Variants in PSD3 observed in about 807,000 individuals in gnomAD.
PSD3 encodes the protein PH and SEC7 domain-containing protein 3.
PSD3 carries 49 observed loss-of-function variants against 105.5 expected under a neutral mutation model. That is an observed-to-expected ratio of 0.46 (90% confidence interval 0.37 to 0.59). PSD3 has a LOEUF of 0.59. Ranked by LOEUF, PSD3 falls within the 20% of genes least tolerant of loss-of-function variation. The pLI is 0.00. For missense variants in PSD3, 1,561 were observed against 1,263.8 expected, an observed-to-expected ratio of 1.24 and a Z score of -3.57; for synonymous variants, 557 against 457.8, an observed-to-expected ratio of 1.22 and a Z score of -2.77.
chr8:18,560,443 A>G (rs1201805390), intron 14 of PSD3, among the ~76,000 whole-genome samples: 1 of 152,166 alleles, frequency 6.6e-6, no homozygotes, highest in East Asian at 1.9e-4. Flanking sequence ...AATACTAGCA[A>G]AATAGATTTC....
chr8:18,854,133 G>A (rs369754501), intron 4 of PSD3: 1 of 152,320 alleles, frequency 6.6e-6, no homozygotes, highest in Non-Finnish European at 1.5e-5. Context: ...AATTTTGTCA[G>A]GAATTGAAGA....
At chr8:18,885,985 T>C (rs900233147) in intron 2 of PSD3, among the ~76,000 whole-genome samples, 2 of 152,158 alleles carry the variant, frequency 1.3e-5, no homozygotes, top group Non-Finnish European at 2.9e-5. Context: ...GCTATTCAGA[T>C]ACTAAGCTGT....
chr8:18,588,565 C>T (rs1271003766), intron 12 of PSD3, among the ~76,000 whole-genome samples: 1 of 152,186 alleles, frequency 6.6e-6, no homozygotes, highest in Non-Finnish European at 1.5e-5. Context: ...CTACTATTCA[C>T]TCTTCATAAA....
intron 4 of PSD3, among the ~76,000 whole-genome samples, chr8:18,847,524 T>G (rs900271348): frequency 3.9e-5 from 6 of 152,254 alleles, no homozygotes; most frequent in Non-Finnish European, 8.8e-5. Context: ...GTTTTCAATT[T>G]GTTTTGAATA....
chr8:18,613,498 T>C (rs989089180), intron 11 of PSD3, among the ~76,000 whole-genome samples: 1 of 152,184 alleles, frequency 6.6e-6, no homozygotes, highest in Non-Finnish European at 1.5e-5. Flanking sequence ...CCCTTCTACG[T>C]GTCTGCGAGC....
At chr8:18,568,201 A>G (rs1801912089) in intron 14 of PSD3, among the ~76,000 whole-genome samples, 1 of 152,190 alleles carries the variant, frequency 6.6e-6, no homozygotes. Flanking sequence ...TATTCTTTAT[A>G]GAAACACAAA....
At chr8:18,891,326 C>T (rs1013407203) in intron 2 of PSD3, among the ~76,000 whole-genome samples, 1 of 152,046 alleles carries the variant, frequency 6.6e-6, no homozygotes, top group African/African-American at 2.4e-5. Context: ...TCACATAATA[C>T]ATTAAAACAA....
At chr8:19,061,748 T>G (rs1232740721) in intron 1 of PSD3, among the ~76,000 whole-genome samples, 1 of 150,576 alleles carries the variant, frequency 6.6e-6, no homozygotes, top group African/African-American at 2.5e-5. Context: ...GAGGTTGCAA[T>G]GAGCCAAGAT....
intron 9 of PSD3, among the ~76,000 whole-genome samples, chr8:18,700,071 T>C (rs1801489608): frequency 6.6e-6 from 1 of 152,212 alleles, no homozygotes; most frequent in African/African-American, 2.4e-5. Flanking sequence ...GAACAGAATC[T>C]TATTTCAGTC....
chr8:18,856,387 C>T (rs898258430), intron 4 of PSD3, among the ~76,000 whole-genome samples: 2 of 151,810 alleles, frequency 1.3e-5, no homozygotes, highest in Non-Finnish European at 2.9e-5. Context: ...TATGTGCTGG[C>T]CACTATGCCA....
intron 1 of PSD3, among the ~76,000 whole-genome samples, chr8:19,034,424 T>C (rs887633691): frequency 1.3e-5 from 2 of 152,168 alleles, no homozygotes; most frequent in Admixed American, 1.3e-4. Context: ...TTAGACAATA[T>C]TTTTAACAGG....
At chr8:19,017,734 C>G (rs920210274), upstream of PSD3, among the ~76,000 whole-genome samples, 19 of 152,178 alleles carry the variant, frequency 1.2e-4, no homozygotes, top group African/African-American at 4.3e-4. Flanking sequence ...TAGCATATAT[C>G]AGAACTTCAT....
At chr8:18,964,115 C>A (rs1007806103) in intron 1 of PSD3, among the ~76,000 whole-genome samples, 2 of 151,792 alleles carry the variant, frequency 1.3e-5, no homozygotes, top group Non-Finnish European at 1.5e-5. Flanking sequence ...ATGAATAACT[C>A]GGGTTTTTTT....
intron 10 of PSD3, among the ~76,000 whole-genome samples, chr8:18,642,087 T>G (rs938740306): frequency 6.6e-6 from 1 of 152,182 alleles, no homozygotes; most frequent in Non-Finnish European, 1.5e-5. Flanking sequence ...TGCTGCCAGA[T>G]ATGAGAAAGA....
At chr8:18,914,981 T>C (rs536484108) in intron 2 of PSD3, among the ~76,000 whole-genome samples, 177 of 152,138 alleles carry the variant, frequency 1.2e-3, no homozygotes, top group Non-Finnish European at 2.1e-3. Flanking sequence ...CAAAACAGCA[T>C]GGTACTAGCA....
chr8:18,557,552 T>C (rs867249410), intron 14 of PSD3: 4 of 153,442 alleles, frequency 2.6e-5, no homozygotes, highest in Middle Eastern at 1.1e-3. Context: ...AAGAAAACAA[T>C]GACAAGTAAA....
chr8:18,948,799 A>G (rs1823019396), intron 1 of PSD3, among the ~76,000 whole-genome samples: 1 of 152,128 alleles, frequency 6.6e-6, no homozygotes, highest in Non-Finnish European at 1.5e-5. Flanking sequence ...TTTTTAAAAA[A>G]CATAATTTGT....
chr8:19,001,478 C>G lies in PSD3; in HGVS notation c.21+12085G>C, dbSNP rs548014924. 4.6e-5 allele frequency: 7 copies of G among 151,954 alleles called. No individual in the cohort carries two copies. The East Asian group carries it at 1.4e-3, about 29-fold the overall frequency. 9.4% of individuals were successfully genotyped at this position (151,954 alleles called of 1,614,324 possible). ...CAGTCAATGCACCTACACTGACACA[C>G]TGATCTTATTTAGACCTTAGTTCCA... On this transcript the variant is annotated intron_variant, in intron 1 of 15. Coordinates refer to ENST00000327040, the MANE Select transcript of PSD3 (RefSeq NM_015310.4).
rs189891634 is a variant in PSD3, at chr8:18,871,839, C to T, written c.1025G>A (p.Arg342His). Residue 342 changes from arginine (R) to histidine (H), a missense_variant, in exon 3 of 16, where the codon CGC (arginine) becomes CAC (histidine). Physicochemically the swap from Arg to His is conservative, Grantham distance 29 (BLOSUM62 0). Transcript: ENST00000327040. ...CAAACCAGCTGATGAGATGAGATGG[C>T]GTGGCACTTTGGAAGACTCTTTGCT... ...PDSKESSKVP[R>H]HLISSAGLCN... 49 of 1,614,172 alleles carry T rather than the reference C, an allele frequency of 3.0e-5. No homozygotes were observed. Among genetic ancestry groups the T allele is most frequent in the South Asian group, 1.8e-4 (16 of 91,080 alleles).
Sources: gnomAD v4.1 joint callset for allele counts (sites outside exome capture counted in the v4.1 genomes callset) on GRCh38, gnomAD v4.1.1 for gene constraint, MANE v1.5 for transcripts, NCBI Gene and HGNC (gene_info 2026-07-23, HGNC 2026-07-21) for gene names.